The following MYO5A variants were observed in gnomAD, a reference collection of about 807,000 sequenced individuals.
The protein encoded by MYO5A is myosin VA.
MYO5A carries 98 observed loss-of-function variants against 249.7 expected under a neutral mutation model. The observed-to-expected ratio is 0.39, with a 90% CI of 0.33 to 0.46. MYO5A has a LOEUF of 0.46. Ranked by LOEUF, MYO5A falls within the 20% of genes least tolerant of loss-of-function variation. The probability of loss-of-function intolerance (pLI) is 0.98; values close to 1 mark genes in which losing one functional copy is unlikely to be tolerated. For missense variants in MYO5A, 1,696 were observed against 2,308.8 expected (o/e 0.73, Z 5.44); for synonymous variants, 778 against 810.6 (o/e 0.96, Z 0.68).
chr15:52,471,291 G>A (rs548952568), intron 1 of MYO5A, among the ~76,000 whole-genome samples: 3 of 151,838 alleles, frequency 2.0e-5, no homozygotes, highest in African/African-American at 7.2e-5. Context: ...CCAGAATAGG[G>A]CACTTTTGTG....
At chr15:52,448,550 T>A (rs1369177666) in intron 1 of MYO5A, among the ~76,000 whole-genome samples, 1 of 152,200 alleles carries the variant, frequency 6.6e-6, no homozygotes, top group African/African-American at 2.4e-5. Context: ...TTTTGCAATG[T>A]GAGGACATAA....
At chr15:52,380,950 T>C (rs554175996) in intron 16 of MYO5A, among the ~76,000 whole-genome samples, 1 of 152,354 alleles carries the variant, frequency 6.6e-6, no homozygotes, top group Non-Finnish European at 1.5e-5. Flanking sequence ...CATACGGTTA[T>C]ATTTTTTTAA....
chr15:52,493,164 A>T (rs922014870), intron 1 of MYO5A, among the ~76,000 whole-genome samples: 1 of 152,212 alleles, frequency 6.6e-6, no homozygotes, highest in Non-Finnish European at 1.5e-5. Context: ...AGAAAAACTA[A>T]ATCTCAGAGC....
At chr15:52,528,728 C>T (rs1168993084) in intron 1 of MYO5A, 52 bp downstream of exon 1, 78 of 1,482,134 alleles carry the variant, frequency 5.3e-5, no homozygotes, top group Non-Finnish European at 6.9e-5. Flanking sequence ...TGACAGCTGG[C>T]GGCGAGGGCC....
At chr15:52,415,548 G>C (rs1366098283) in intron 5 of MYO5A, among the ~76,000 whole-genome samples, 1 of 151,998 alleles carries the variant, frequency 6.6e-6, no homozygotes, top group African/African-American at 2.4e-5. Context: ...ACCTATAGCT[G>C]TGTTATGTGC....
chr15:52,388,929 T>G lies in MYO5A; in HGVS notation c.1668+309A>C, dbSNP rs548282616. Among the ~76,000 whole-genome samples the G allele has an allele frequency of 3.5e-4, 53 of 152,136 alleles. No homozygotes were observed. In the South Asian group the frequency reaches 4.2e-3, roughly 12 times the overall value. On this transcript the variant is annotated intron_variant, in intron 13 of 41. Coordinates refer to ENST00000399233, the MANE Select transcript of MYO5A (RefSeq NM_001382347.1). ...ATGAATATTTCCAGCCTAACTGGGA[T>G]AAAGACAGACTATAAATAATCTCAT...
chr15:52,473,091 G>T (rs2076511854), intron 1 of MYO5A, among the ~76,000 whole-genome samples: 1 of 152,166 alleles, frequency 6.6e-6, no homozygotes, highest in African/African-American at 2.4e-5. Flanking sequence ...CATTCTAACT[G>T]GTGTGAGATG....
At chr15:52,505,077 C>T in intron 1 of MYO5A, 1 of 567,654 alleles carries the variant, frequency 1.8e-6, no homozygotes, top group Non-Finnish European at 3.2e-6. Context: ...AAGACAGGCC[C>T]ATTTTATTAA....
Position 52,317,188 on chromosome 15 carries a change from C to T in MYO5A, c.5269G>A (p.Asp1757Asn), listed in dbSNP as rs2038064300. The change falls in exon 40 of 42, where the codon GAC becomes AAC. Residue 1757 changes from aspartate (D) to asparagine (N), a missense_variant. Asp to Asn is a conservative substitution (Grantham distance 23). This residue lies in a region of MYO5A where 625 missense variants were observed against 908.1 expected (regional missense o/e 0.69). Coordinates refer to ENST00000399233, the MANE Select transcript of MYO5A (RefSeq NM_001382347.1). ...NVSQLEEWLR[D>N]KNLMNSGAKE... is the part of the protein sequence containing the mutation. ...GCCCCACTATTCATCAGATTCTTGTCACGCAGCCATTCTTCCAGTTGACTG... is the reference window on the plus strand; with the variant it reads ...GCCCCACTATTCATCAGATTCTTGTTACGCAGCCATTCTTCCAGTTGACTG... The T allele has an allele frequency of 6.2e-7, 1 of 1,613,914 alleles. No homozygotes were observed.
intron 1 of MYO5A, among the ~76,000 whole-genome samples, chr15:52,513,367 G>T (rs1465300825): frequency 6.7e-6 from 1 of 149,158 alleles, no homozygotes; most frequent in African/African-American, 2.5e-5. Flanking sequence ...GGAGGCAGAG[G>T]TTGCAGTGAG....
intron 25 of MYO5A, among the ~76,000 whole-genome samples, chr15:52,355,109 T>G (rs2040151459): frequency 6.6e-6 from 1 of 152,226 alleles, no homozygotes; most frequent in Admixed American, 6.5e-5. Flanking sequence ...ATATTTAAAT[T>G]GTTTACAATG....
chr15:52,355,713 T>A (rs1341115107), intron 25 of MYO5A, among the ~76,000 whole-genome samples: 1 of 152,200 alleles, frequency 6.6e-6, no homozygotes, highest in Non-Finnish European at 1.5e-5. Context: ...TCTTAGGTAT[T>A]ATAAGTAATG....
chr15:52,371,061 C>T (rs1450984805), intron 21 of MYO5A, among the ~76,000 whole-genome samples: 2 of 151,402 alleles, frequency 1.3e-5, no homozygotes, highest in Non-Finnish European at 2.9e-5. Flanking sequence ...TGTAGTGAGC[C>T]GTGATTGCAC....
At chr15:52,450,225 C>T (rs910291219) in intron 1 of MYO5A, among the ~76,000 whole-genome samples, 5 of 151,888 alleles carry the variant, frequency 3.3e-5, no homozygotes, top group African/African-American at 1.2e-4. Flanking sequence ...CTATGTATTG[C>T]CTACAATGAG....
intron 1 of MYO5A, among the ~76,000 whole-genome samples, chr15:52,436,767 A>G (rs138893089): frequency 1.2e-3 from 187 of 152,358 alleles, no homozygotes; most frequent in African/African-American, 4.2e-3. Flanking sequence ...TAAATTGAAT[A>G]TAAGTAGCAT....
Position 52,405,358 on chromosome 15 carries a change from T to C in MYO5A, c.982A>G (p.Ile328Val). 6.2e-7 allele frequency: 1 copy of C among 1,613,692 alleles called. No homozygotes were observed. The highest frequency in any genetic ancestry group is 8.5e-7 in the Non-Finnish European group (1 of 1,179,638). The change falls in exon 9 of 42, where the codon ATA becomes GTA. Residue 328 changes from isoleucine (I) to valine (V), a missense_variant. Ile to Val is a conservative substitution (Grantham distance 29). This residue lies in a region of MYO5A where 185 missense variants were observed against 204.8 expected (regional missense o/e 0.90). Transcript: ENST00000399233. ...SESHQMGIFR[I>V]LAGILHLGNV... ...CCTAAGTGAAGGATGCCAGCAAGTA[T>C]TCGGAAAATTCCCATTTGATGAGAT...
chr15:52,338,762 G>C (rs2140983246), intron 32 of MYO5A, among the ~76,000 whole-genome samples: 1 of 152,128 alleles, frequency 6.6e-6, no homozygotes, highest in South Asian at 2.1e-4. Context: ...AATTAATATT[G>C]CAAACAAGGT....
chr15:52,475,429 G>A (rs1180700509), intron 1 of MYO5A, among the ~76,000 whole-genome samples: 1 of 152,102 alleles, frequency 6.6e-6, no homozygotes, highest in African/African-American at 2.4e-5. Flanking sequence ...CCTTCTGCTA[G>A]CTTTTGAATG....
At chr15:52,523,895 T>C (rs963958374) in intron 1 of MYO5A, among the ~76,000 whole-genome samples, 4 of 152,154 alleles carry the variant, frequency 2.6e-5, no homozygotes, top group African/African-American at 9.7e-5. Context: ...CTTTAAGATG[T>C]TGGAAGCAGT....
Sources: gnomAD v4.1 joint callset for allele counts (sites outside exome capture counted in the v4.1 genomes callset) on GRCh38, gnomAD v4.1.1 for gene constraint, gnomAD v4.1.1 regional missense constraint, MANE v1.5 for transcripts, NCBI Gene and HGNC (gene_info 2026-07-23, HGNC 2026-07-21) for gene names.